Variants in CD8B2 observed in about 807,000 individuals in gnomAD.
CD8B2 encodes the protein T-cell surface glycoprotein CD8 beta-2 chain.
In CD8B2, 11 loss-of-function variants were observed where a neutral mutation model predicts 23.7. The ratio of observed to expected loss-of-function variants is 0.46; its 90% confidence interval spans 0.29 to 0.77. The LOEUF (loss-of-function observed/expected upper bound fraction) is 0.77. Ranked by LOEUF, CD8B2 falls within the 30% of genes least tolerant of loss-of-function variation. The probability of loss-of-function intolerance (pLI) is 0.09; values close to 1 mark genes in which losing one functional copy is unlikely to be tolerated. For missense variants in CD8B2, 197 were observed against 270.5 expected (o/e 0.73, Z 1.91); for synonymous variants, 90 against 109.3 (o/e 0.82, Z 1.10).
At chr2:106,504,227 C>T in intron 4 of CD8B2, 62 bp from the exon 5 acceptor site, 1 of 1,551,312 alleles carries the variant, frequency 6.4e-7, no homozygotes, top group African/African-American at 1.4e-5. Context: ...TCCTTGGCCT[C>T]TGGGGCTCAG....
At chr2:106,490,462 G>A (rs1262563349) in intron 1 of CD8B2, among the ~76,000 whole-genome samples, 1 of 152,170 alleles carries the variant, frequency 6.6e-6, no homozygotes, top group Non-Finnish European at 1.5e-5. Flanking sequence ...AGGAGGTCAA[G>A]GCTGAAGTGT....
intron 5 of CD8B2, among the ~76,000 whole-genome samples, chr2:106,506,360 TG>T (rs896117012): frequency 2.0e-5 from 3 of 151,972 alleles, no homozygotes; most frequent in Admixed American, 2.0e-4. Flanking sequence ...TGGGTGGTCG[TG>T]GGGGGACCCT....
At chr2:106,492,818 G>A (rs757448301) in intron 2 of CD8B2, among the ~76,000 whole-genome samples, 11 of 152,228 alleles carry the variant, frequency 7.2e-5, no homozygotes, top group Non-Finnish European at 1.6e-4. Context: ...GCCTGGGAGG[G>A]TGTATTGCAG....
Position 106,507,121 on chromosome 2 carries a change from T to C in CD8B2, c.*181T>C. On this transcript the variant is annotated 3_prime_UTR_variant, in exon 6 of 6. Transcript: ENST00000643224. ...GACGTGCATGGGAGCAACTTGTTTG[T>C]GGGTCATCGGGAATACTAGGGAGAA... 2.0e-6 allele frequency: 3 copies of C among 1,481,772 alleles called. No individual in the cohort carries two copies. The highest frequency in any genetic ancestry group is 2.7e-6 in the Non-Finnish European group (3 of 1,115,012). 91.8% of individuals were successfully genotyped at this position (1,481,772 alleles called of 1,614,324 possible). A position where few individuals can be genotyped will look rare whatever the true frequency, so the allele number is the denominator to read the frequency against.
At chr2:106,522,006 C>T (rs1057324058) in intron 5 of CD8B2, 8 of 152,226 alleles carry the variant, frequency 5.3e-5, no homozygotes, top group African/African-American at 1.9e-4. Context: ...GACCGCTGCT[C>T]TGATGCGTGG....
chr2:106,493,533 A>G (rs995423494), intron 2 of CD8B2, among the ~76,000 whole-genome samples: 1 of 86,914 alleles, frequency 1.2e-5, no homozygotes, highest in African/African-American at 4.4e-5. Context: ...CGGGTAGAAA[A>G]TAAGTCAAAC....
chr2:106,511,727 T>C (rs1347393178), downstream of CD8B2, among the ~76,000 whole-genome samples: 8 of 152,246 alleles, frequency 5.3e-5, no homozygotes, highest in South Asian at 1.2e-3. Flanking sequence ...CCAAAAGATA[T>C]TTCCTCTGTC....
At chr2:106,504,268 G>A (rs1035488007) in intron 4 of CD8B2, 21 bp from the exon 5 acceptor site, 38 of 1,555,684 alleles carry the variant, frequency 2.4e-5, no homozygotes, top group African/African-American at 1.4e-4. Context: ...ACTGACTGGC[G>A]CCCTTGCTTT....
chr2:106,488,755 A>T (rs1424861589), intron 1 of CD8B2, among the ~76,000 whole-genome samples: 1 of 152,184 alleles, frequency 6.6e-6, no homozygotes, highest in African/African-American at 2.4e-5. Context: ...GTTGCAAAAC[A>T]GTATCTCCCC....
intron 5 of CD8B2, among the ~76,000 whole-genome samples, chr2:106,537,503 C>G (rs1286592807): frequency 2.0e-5 from 3 of 152,056 alleles, no homozygotes. Context: ...GCACAGAAAT[C>G]CCCAAATGAG....
chr2:106,535,470 G>C (rs1022579859), intron 5 of CD8B2: 3 of 150,108 alleles, frequency 2.0e-5, no homozygotes, highest in Admixed American at 6.6e-5. Flanking sequence ...GAAGGTGTTT[G>C]CCCATGTGAT....
In CD8B2 at chr2:106,501,036, C is replaced by T. The variant is rs371150054; in HGVS notation, c.494-1438C>T. ...AAGGTGCACTATTGGCGGGTGGGGACGGAAGTCAGTGCCGCCTTTTAGGGA... is the reference window on the plus strand; with the variant it reads ...AAGGTGCACTATTGGCGGGTGGGGATGGAAGTCAGTGCCGCCTTTTAGGGA... On this transcript the variant is annotated intron_variant, in intron 3 of 5. Coordinates refer to ENST00000643224, the MANE Select transcript of CD8B2 (RefSeq NM_001349727.2). 5.2e-3 allele frequency among the ~76,000 whole-genome samples: 799 copies of T among 152,200 alleles called. 3 individuals are homozygous for T. Among genetic ancestry groups the T allele is most frequent in the Middle Eastern group, 0.037 (11 of 294 alleles).
intron 5 of CD8B2, among the ~76,000 whole-genome samples, chr2:106,521,161 C>T (rs962493284): frequency 3.3e-5 from 5 of 151,826 alleles, no homozygotes. Context: ...TACATAGGGC[C>T]CACAGATTGG....
chr2:106,508,897 T>TG lies in CD8B2; in HGVS notation c.*1957_*1958insG, dbSNP rs1642489688. 6.7e-6 allele frequency: 1 copy of TG among 150,372 alleles called. No individual in the cohort carries two copies. The highest frequency in any genetic ancestry group is 2.2e-4 in the South Asian group (1 of 4,602). 9.3% of individuals were successfully genotyped at this position (150,372 alleles called of 1,614,324 possible). ...GTTACTCAGTGTGGGGAGATGGGGT[T>TG]TTTCCTTTTGGTGTACGTTAATTGG... On this transcript the variant is annotated 3_prime_UTR_variant, in exon 6 of 6. Transcript: ENST00000643224.
rs189837822 is a variant in CD8B2 at position 106,516,466 on chromosome 2, C to T, written c.620+12141C>T. Among the ~76,000 whole-genome samples the T allele has an allele frequency of 1.1e-3, 174 of 152,152 alleles. 1 individual carries two copies. Among genetic ancestry groups the T allele is most frequent in the African/African-American group, 3.9e-3 (160 of 41,508 alleles). On this transcript the variant is annotated intron_variant, in intron 5 of 5. Transcript: ENST00000416057. ...GTCCCAATTTGATAACACCAATGGC[C>T]GGTTTTATAGCAGTATGTGTCCTGG...
chr2:106,495,191 C>A (rs1307568673), intron 2 of CD8B2, among the ~76,000 whole-genome samples: 2 of 152,058 alleles, frequency 1.3e-5, no homozygotes, highest in Admixed American at 1.3e-4. Flanking sequence ...GAAATCAAGG[C>A]ACAGAAAAAT....
intron 3 of CD8B2, among the ~76,000 whole-genome samples, chr2:106,498,380 TC>T (rs1485231749): frequency 3.5e-4 from 54 of 152,230 alleles, no homozygotes; most frequent in Non-Finnish European, 6.6e-4. Context: ...GCTCCTGACT[TC>T]AGGTGATCCA....
At chr2:106,501,244 C>T (rs1679398485) in intron 3 of CD8B2, among the ~76,000 whole-genome samples, 1 of 151,998 alleles carries the variant, frequency 6.6e-6, no homozygotes, top group South Asian at 2.1e-4. Flanking sequence ...ACAAGTAACT[C>T]ATGGTACATC....
intron 3 of CD8B2, among the ~76,000 whole-genome samples, chr2:106,501,381 T>A (rs1210227284): frequency 6.6e-6 from 1 of 152,092 alleles, no homozygotes; most frequent in Non-Finnish European, 1.5e-5. Context: ...ATATATTTTT[T>A]AAAACTATAT....
Sources: allele counts gnomAD v4.1 joint callset (sites outside exome capture counted in the v4.1 genomes callset), GRCh38; gene constraint gnomAD v4.1.1; transcripts MANE v1.5; gene names NCBI Gene and HGNC (gene_info 2026-07-23, HGNC 2026-07-21).